The following HTR1F variants were observed in gnomAD, a reference collection of about 807,000 sequenced individuals.
The protein encoded by HTR1F is 5-hydroxytryptamine receptor 1F, also known as 5-hydroxytryptamine (serotonin) receptor 1F, G protein-coupled.
Under a neutral mutation model 24.0 loss-of-function variants are expected in HTR1F, and 17 were observed. That is an observed-to-expected ratio of 0.71 (90% CI 0.48 to 1.06). The LOEUF (loss-of-function observed/expected upper bound fraction) is 1.06, where lower values mean the gene tolerates loss of function less well. Among genes scored for constraint, HTR1F ranks in the 50% least tolerant of loss-of-function variants. HTR1F has a pLI of 0.00. For synonymous variants in HTR1F, 186 were observed against 156.8 expected, an observed-to-expected ratio of 1.19 and a Z score of -1.39; for missense variants, 391 against 427.8, an observed-to-expected ratio of 0.91 and a Z score of 0.76.
chr3:87,844,627 G>A (rs1282304906), intron 2 of HTR1F, among the ~76,000 whole-genome samples: 2 of 124,412 alleles, frequency 1.6e-5, no homozygotes, highest in Non-Finnish European at 3.2e-5. Context: ...GAATGGTAAT[G>A]CCTAGGTTTT....
chr3:87,863,999 C>G (rs936590452), intron 2 of HTR1F, among the ~76,000 whole-genome samples: 1 of 152,122 alleles, frequency 6.6e-6, no homozygotes, highest in African/African-American at 2.4e-5. Flanking sequence ...TTGACTCATG[C>G]CACCTTCCAT....
chr3:87,899,757 C>T (rs961364125), intron 2 of HTR1F, among the ~76,000 whole-genome samples: 4 of 151,928 alleles, frequency 2.6e-5, no homozygotes, highest in South Asian at 4.2e-4. Flanking sequence ...CCCAGCTACT[C>T]GGGAGGCTGA....
At chr3:87,803,866 C>T (rs545577207) in intron 1 of HTR1F, among the ~76,000 whole-genome samples, 6 of 152,228 alleles carry the variant, frequency 3.9e-5, no homozygotes, top group South Asian at 4.1e-4. Context: ...TACACGTTAT[C>T]TTCAAGGGTG....
chr3:87,814,603 G>T (rs1372463330), intron 1 of HTR1F, among the ~76,000 whole-genome samples: 1 of 151,904 alleles, frequency 6.6e-6, no homozygotes, highest in African/African-American at 2.4e-5. Context: ...CAAATATTAA[G>T]ACTTCTATTA....
chr3:87,884,167 A>C (rs1705879563), intron 2 of HTR1F, among the ~76,000 whole-genome samples: 1 of 152,204 alleles, frequency 6.6e-6, no homozygotes, highest in Non-Finnish European at 1.5e-5. Context: ...TCTACAAGCC[A>C]CAAGGGAGTG....
intron 2 of HTR1F, among the ~76,000 whole-genome samples, chr3:87,950,984 T>A (rs1704821511): frequency 6.6e-6 from 1 of 152,178 alleles, no homozygotes; most frequent in Non-Finnish European, 1.5e-5. Context: ...TTCCTGGCCC[T>A]ATTTTGTCTG....
chr3:87,901,566 C>A (rs901816569), intron 2 of HTR1F, among the ~76,000 whole-genome samples: 10 of 152,002 alleles, frequency 6.6e-5, no homozygotes, highest in African/African-American at 2.4e-4. Flanking sequence ...GGCTTACTTC[C>A]GGCTTCAAAT....
At chr3:87,925,399 C>G (rs1445016496) in intron 2 of HTR1F, among the ~76,000 whole-genome samples, 2 of 152,076 alleles carry the variant, frequency 1.3e-5, no homozygotes, top group Non-Finnish European at 2.9e-5. Context: ...GAAATGACCT[C>G]CCAGCTGTAC....
At chr3:87,931,026 C>CTTTTTTTTTTTTTTTTTTT (rs34617109) in intron 2 of HTR1F, among the ~76,000 whole-genome samples, 3 of 131,832 alleles carry the variant, frequency 2.3e-5, no homozygotes, top group Non-Finnish European at 3.2e-5. Context: ...ATAGTCTTTC[C>CTTTTTTTTTTTTTTTTTTT]TTTTTTTTTT....
At chr3:87,813,074 G>T (rs1461924407) in intron 1 of HTR1F, among the ~76,000 whole-genome samples, 1 of 152,198 alleles carries the variant, frequency 6.6e-6, no homozygotes, top group African/African-American at 2.4e-5. Flanking sequence ...CCCACACAGA[G>T]TCCCCATTGA....
At chr3:87,869,609 A>G (rs1705512041) in intron 2 of HTR1F, among the ~76,000 whole-genome samples, 1 of 152,110 alleles carries the variant, frequency 6.6e-6, no homozygotes, top group East Asian at 1.9e-4. Flanking sequence ...TCAGGTTCAA[A>G]GGCCTAAGAA....
intron 2 of HTR1F, among the ~76,000 whole-genome samples, chr3:87,900,021 T>A (rs1286082188): frequency 1.3e-5 from 2 of 152,304 alleles, no homozygotes; most frequent in African/African-American, 4.8e-5. Flanking sequence ...TATAGTATTT[T>A]CAATGGGATA....
intron 2 of HTR1F, among the ~76,000 whole-genome samples, chr3:87,906,103 TA>T (rs1228229994): frequency 6.6e-6 from 1 of 152,064 alleles, no homozygotes; most frequent in African/African-American, 2.4e-5. Context: ...AAAAATACAA[TA>T]AAACGCTAAA....
At position 87,795,080 on chromosome 3, in the gene HTR1F, C is replaced by G. The variant is rs111982219; in HGVS notation, c.-160+2238C>G. Among the ~76,000 whole-genome samples, 586 of 145,270 alleles carry G rather than the reference C, an allele frequency of 4.0e-3. 7 individuals are homozygous for G. Among genetic ancestry groups the G allele is most frequent in the African/African-American group, 0.014 (556 of 39,196 alleles). ...TCGGCTCACTGCAACCTCTGACTCC[C>G]TGGTTCAAGCGATTCTCCTGCCTCA... On this transcript the variant is annotated intron_variant, in intron 1 of 2. Coordinates refer to ENST00000319595, the MANE Select transcript of HTR1F (RefSeq NM_001322209.2).
intron 2 of HTR1F, among the ~76,000 whole-genome samples, chr3:87,874,310 T>C (rs1037811714): frequency 3.3e-5 from 5 of 152,078 alleles, no homozygotes; most frequent in African/African-American, 1.2e-4. Flanking sequence ...ATACAAAGCC[T>C]ACACAGAGAA....
chr3:87,966,651 A>G (rs1163510226), intron 2 of HTR1F, among the ~76,000 whole-genome samples: 2 of 150,310 alleles, frequency 1.3e-5, no homozygotes, highest in African/African-American at 5.0e-5. Flanking sequence ...TTAGTGATCT[A>G]AGAATTAAAA....
chr3:87,861,016 G>A (rs1050716630), intron 2 of HTR1F, among the ~76,000 whole-genome samples: 3 of 152,096 alleles, frequency 2.0e-5, no homozygotes, highest in Non-Finnish European at 4.4e-5. Context: ...AATAAGCCAG[G>A]CATGGTGGCA....
chr3:87,838,955 C>G (rs1704739134), intron 2 of HTR1F, among the ~76,000 whole-genome samples: 1 of 151,376 alleles, frequency 6.6e-6, no homozygotes, highest in East Asian at 1.9e-4. Flanking sequence ...AATATTTTCT[C>G]CCAATCCATG....
intron 2 of HTR1F, among the ~76,000 whole-genome samples, chr3:87,942,751 T>TTTA (rs58283915): frequency 0.031 from 4,759 of 151,500 alleles, 227 homozygotes; most frequent in African/African-American, 0.11. Context: ...TTTTTTTTTT[T>TTTA]ATCCTGTTTG....
Sources: allele counts gnomAD v4.1 joint callset (sites outside exome capture counted in the v4.1 genomes callset), GRCh38; gene constraint gnomAD v4.1.1; transcripts MANE v1.5; gene names NCBI Gene and HGNC (gene_info 2026-07-23, HGNC 2026-07-21).